The following MYT1L variants were observed in gnomAD, a reference collection of about 807,000 sequenced individuals.
MYT1L encodes the protein myelin transcription factor 1 like, also known as myelin transcription factor 1-like protein.
MYT1L carries 12 observed loss-of-function variants against 126.7 expected under a neutral mutation model. The ratio of observed to expected loss-of-function variants is 0.09; its 90% confidence interval spans 0.06 to 0.15. The LOEUF (loss-of-function observed/expected upper bound fraction) is 0.15. MYT1L is among the 10% of genes least tolerant of loss of function. The probability of loss-of-function intolerance (pLI) is 1.00; values close to 1 mark genes in which losing one functional copy is unlikely to be tolerated. For missense variants in MYT1L, 979 were observed against 1,585.2 expected (o/e 0.62, Z 6.49); for synonymous variants, 541 against 604.2 (o/e 0.90, Z 1.53).
chr2:2,251,417 C>T (rs962752101), intron 2 of MYT1L, among the ~76,000 whole-genome samples: 5 of 152,152 alleles, frequency 3.3e-5, no homozygotes, highest in African/African-American at 1.2e-4. Flanking sequence ...CCCGTGAATG[C>T]CATCACCAAT....
chr2:2,200,708 G>T (rs1243239567), intron 2 of MYT1L, among the ~76,000 whole-genome samples: 1 of 152,156 alleles, frequency 6.6e-6, no homozygotes, highest in Non-Finnish European at 1.5e-5. Context: ...GCCTTCCAAG[G>T]CCACATTTTT....
chr2:2,085,429 G>C (rs921219561), intron 3 of MYT1L, among the ~76,000 whole-genome samples: 1 of 152,024 alleles, frequency 6.6e-6, no homozygotes. Context: ...TGTTCAACTC[G>C]TAAGACTTGC....
chr2:2,098,030 C>A (rs1056562971), intron 3 of MYT1L, among the ~76,000 whole-genome samples: 2 of 152,160 alleles, frequency 1.3e-5, no homozygotes, highest in African/African-American at 4.8e-5. Context: ...GTTTCTTTAC[C>A]TTCCACCATG....
intron 2 of MYT1L, among the ~76,000 whole-genome samples, chr2:2,277,795 A>G (rs907928107): frequency 2.0e-5 from 3 of 152,236 alleles, no homozygotes; most frequent in African/African-American, 7.2e-5. Context: ...AGAATAAAAA[A>G]GAAAGAAAAA....
intron 8 of MYT1L, among the ~76,000 whole-genome samples, chr2:1,958,975 T>C (rs963150200): frequency 2.6e-5 from 4 of 152,166 alleles, no homozygotes; most frequent in African/African-American, 9.7e-5. Flanking sequence ...TTGGATTTCA[T>C]TTGGAAATAG....
intron 14 of MYT1L, among the ~76,000 whole-genome samples, chr2:1,896,307 C>T (rs1376173192): frequency 6.6e-6 from 1 of 152,138 alleles, no homozygotes; most frequent in Non-Finnish European, 1.5e-5. Flanking sequence ...AACAGAGCTA[C>T]CATTAGACCC....
chr2:1,836,240 C>A (rs115494406), intron 21 of MYT1L, among the ~76,000 whole-genome samples: 2,246 of 151,792 alleles, frequency 0.015, 49 homozygotes, highest in African/African-American at 0.052. Flanking sequence ...TATTCTTGCA[C>A]CCCAATATTC....
intron 5 of MYT1L, among the ~76,000 whole-genome samples, chr2:1,992,479 C>T (rs1209040017): frequency 1.3e-5 from 2 of 152,192 alleles, no homozygotes; most frequent in African/African-American, 2.4e-5. Context: ...CCCCATGCCC[C>T]GCTGTGATGC....
At chr2:2,163,240 C>T (rs759183103) in intron 3 of MYT1L, among the ~76,000 whole-genome samples, 1 of 152,064 alleles carries the variant, frequency 6.6e-6, no homozygotes, top group Admixed American at 6.5e-5. Flanking sequence ...GATCTCTGTT[C>T]GAGACCCGAG....
At chr2:2,174,147 G>C (rs1364396953) in intron 2 of MYT1L, among the ~76,000 whole-genome samples, 1 of 152,200 alleles carries the variant, frequency 6.6e-6, no homozygotes, top group African/African-American at 2.4e-5. Context: ...ATTTGAATGA[G>C]AGTTAGCGTA....
At chr2:2,010,612 C>T (rs939640348) in intron 4 of MYT1L, among the ~76,000 whole-genome samples, 3 of 152,094 alleles carry the variant, frequency 2.0e-5, no homozygotes, top group Non-Finnish European at 2.9e-5. Context: ...ATCGATCCGA[C>T]GCCCTTCTAG....
rs1301144758 is a variant in MYT1L at position 2,076,729 on chromosome 2, G to A, written c.-303-22606C>T. 3.3e-5 allele frequency among the ~76,000 whole-genome samples: 5 copies of A among 152,122 alleles called. No homozygotes were observed. The East Asian group carries it at 9.6e-4, about 29-fold the overall frequency. ...TGGGGAATGTAAGAATCTGATACCA[G>A]AATTGCTATAACATATTACCTAAAG... On this transcript the variant is annotated intron_variant, in intron 3 of 24. Transcript: ENST00000647738.
At chr2:2,245,289 G>A (rs1008777124) in intron 2 of MYT1L, among the ~76,000 whole-genome samples, 2 of 152,050 alleles carry the variant, frequency 1.3e-5, no homozygotes, top group Admixed American at 6.5e-5. Flanking sequence ...GTGCTGGGCC[G>A]ACTGAGAGCG....
At chr2:2,152,857 T>C (rs142087468) in intron 3 of MYT1L, among the ~76,000 whole-genome samples, 1 of 151,940 alleles carries the variant, frequency 6.6e-6, no homozygotes, top group East Asian at 1.9e-4. Context: ...GGGATGAGGG[T>C]GTGAATGTCA....
chr2:1,799,585 C>T (rs985945263), intron 23 of MYT1L, among the ~76,000 whole-genome samples: 3 of 152,184 alleles, frequency 2.0e-5, no homozygotes, highest in African/African-American at 7.2e-5. Flanking sequence ...ATTGGGTTGC[C>T]CCAGTAGACC....
At chr2:1,955,012 C>T (rs115544242) in intron 8 of MYT1L, among the ~76,000 whole-genome samples, 2,471 of 151,858 alleles carry the variant, frequency 0.016, 65 homozygotes, top group African/African-American at 0.057. Flanking sequence ...GTTAGCCGGG[C>T]GTCGTGGCAT....
Position 1,912,028 on chromosome 2 carries a change from G to A in MYT1L, c.1701C>T (p.Ser567=), listed in dbSNP as rs1457668628. 6.3e-7 allele frequency: 1 copy of A among 1,594,942 alleles called. No homozygotes were observed. The highest frequency in any genetic ancestry group is 1.3e-5 in the African/African-American group (1 of 74,598). The change falls in exon 12 of 25, where the codon TCC becomes TCT. Residue 567 remains serine, a synonymous_variant. Transcript: ENST00000647738. This position sits in a 1 kb window ranked among gnomAD's most constrained non-coding sequence, Gnocchi z 4.3. ...GRGHVNSNRN[S]HRSLSGCPIA... ...ACCCACGCGTGGCTTACCTTCGGTG[G>A]GAGTTCCTGTTGCTGTTGACATGCC...
intron 19 of MYT1L, among the ~76,000 whole-genome samples, chr2:1,845,672 C>G (rs1323678965): frequency 2.0e-5 from 3 of 152,210 alleles, no homozygotes; most frequent in Non-Finnish European, 4.4e-5. Context: ...TCTCAGCAGC[C>G]CGCTGTCTAG....
intron 3 of MYT1L, among the ~76,000 whole-genome samples, chr2:2,084,534 C>T (rs1340480657): frequency 6.6e-6 from 1 of 152,172 alleles, no homozygotes; most frequent in Non-Finnish European, 1.5e-5. Context: ...CAGCCAGCAG[C>T]CAGCAAGGGG....
Sources: gnomAD v4.1 joint callset for allele counts (sites outside exome capture counted in the v4.1 genomes callset) on GRCh38, gnomAD v4.1.1 for gene constraint, Gnocchi (gnomAD v3.1) non-coding constraint, MANE v1.5 for transcripts, NCBI Gene and HGNC (gene_info 2026-07-23, HGNC 2026-07-21) for gene names.